The following SLC25A53 variants were observed in gnomAD, a reference collection of about 807,000 sequenced individuals.
The protein encoded by SLC25A53 is solute carrier family 25 member 53, also known as mitochondrial carrier triple repeat protein 6.
Under a neutral mutation model 15.0 loss-of-function variants are expected in SLC25A53, and 5 were observed. That is an observed-to-expected ratio of 0.33 (90% CI 0.17 to 0.70). The LOEUF (loss-of-function observed/expected upper bound fraction) is 0.70, where lower values mean the gene tolerates loss of function less well. SLC25A53 is among the 30% of genes least tolerant of loss of function. The probability of loss-of-function intolerance (pLI) is 0.67; values close to 1 mark genes in which losing one functional copy is unlikely to be tolerated. For missense variants in SLC25A53, 216 were observed against 241.6 expected, an observed-to-expected ratio of 0.89 and a Z score of 0.70; for synonymous variants, 95 against 100.0, an observed-to-expected ratio of 0.95 and a Z score of 0.30.
intron 1 of SLC25A53, among the ~76,000 whole-genome samples, chrX:104,138,617 G>A (rs2147877201): frequency 8.9e-6 from 1 of 112,778 alleles, no homozygotes; most frequent in African/African-American, 3.2e-5. Context: ...CTGTATCCTG[G>A]AGTTCTTGCC....
chrX:104,122,304 G>GTTTTTTTTTTTTTTT (rs1264243091), intron 1 of SLC25A53, among the ~76,000 whole-genome samples: 2 of 77,049 alleles, frequency 2.6e-5, no homozygotes, highest in Non-Finnish European at 5.1e-5. Context: ...TCTTTTTTTT[G>GTTTTTTTTTTTTTTT]TTTTTTTTTT....
Position 104,151,019 on chromosome X carries a change from G to T in SLC25A53, c.-32+5859C>A, listed in dbSNP as rs148840336. 7.2e-3 allele frequency among the ~76,000 whole-genome samples: 800 copies of T among 111,657 alleles called. 9 individuals are homozygous for T. The highest frequency in any genetic ancestry group is 0.025 in the African/African-American group (768 of 30,704). ...AATTCTAGCTTTCAGTCAGACTTTCGATTTGGCTCTTTTACACTGCAGTTT... is the reference window on the plus strand; with the variant it reads ...AATTCTAGCTTTCAGTCAGACTTTCTATTTGGCTCTTTTACACTGCAGTTT... On this transcript the variant is annotated intron_variant, in intron 1 of 1. Transcript: ENST00000594199.
rs180729438 is a variant in SLC25A53 at position 104,114,718 on chromosome X, C to A, written c.-31-9430G>T. On this transcript the variant is annotated intron_variant, in intron 1 of 1. Transcript: ENST00000594199. Reference sequence around the variant, plus strand: ...TCTTCTCAGGATGTATGCAAATAAGCAGGAGCGGCTTCCCAATTTCCTGGA... The same window carrying A: ...TCTTCTCAGGATGTATGCAAATAAGAAGGAGCGGCTTCCCAATTTCCTGGA... The A allele has an allele frequency of 3.7e-5, 45 of 1,210,202 alleles. No individual in the cohort carries two copies. In the African/African-American group the frequency reaches 6.1e-4, roughly 16 times the overall value.
intron 1 of SLC25A53, among the ~76,000 whole-genome samples, chrX:104,122,475 A>G (rs1400692612): frequency 1.8e-5 from 2 of 108,997 alleles, no homozygotes; most frequent in African/African-American, 6.7e-5. Flanking sequence ...CACAGCCCCA[A>G]CTACTTTCCC....
intron 1 of SLC25A53, among the ~76,000 whole-genome samples, chrX:104,129,676 T>C (rs1411242220): frequency 4.5e-5 from 5 of 110,001 alleles, no homozygotes; most frequent in East Asian, 2.8e-4. Flanking sequence ...TTTGGGGTTA[T>C]AGATAAGTCT....
chrX:104,130,735 GCA>G (rs1273955751), intron 1 of SLC25A53: 1 of 110,257 alleles, frequency 9.1e-6, no homozygotes, highest in Non-Finnish European at 1.9e-5. Flanking sequence ...TTCCCCATCA[GCA>G]TATGCACACT....
intron 1 of SLC25A53, among the ~76,000 whole-genome samples, chrX:104,154,478 T>C (rs1396340725): frequency 8.9e-6 from 1 of 112,434 alleles, no homozygotes; most frequent in Non-Finnish European, 1.9e-5. Context: ...ATCCCACTTC[T>C]GGGTATATAT....
rs2075394624 is a variant in SLC25A53, at chrX:104,121,900, T to TC, written c.-31-16613_-31-16612insG. Among the ~76,000 whole-genome samples, 186 of 26,902 alleles carry TC rather than the reference T, an allele frequency of 6.9e-3. 13 individuals are homozygous for TC. Among genetic ancestry groups the TC allele is most frequent in the East Asian group, 0.019 (11 of 593 alleles). 23.4% of individuals were successfully genotyped at this position (26,902 alleles called of 115,157 possible). A position where few individuals can be genotyped will look rare whatever the true frequency, so the allele number is the denominator to read the frequency against. On this transcript the variant is annotated intron_variant, in intron 1 of 1. Transcript: ENST00000594199. ...ATATATATATATATATATATATATATATATATATATATATATATATATATA... is the reference window on the plus strand; with the variant it reads ...ATATATATATATATATATATATATATCATATATATATATATATATATATATA...
Position 104,099,266 on chromosome X carries a change from T to A in SLC25A53, c.*5068A>T, listed in dbSNP as rs2075271846. ...TTTCAAAATAGCTAGAAGAGAAGAT[T>A]TGGAATGTTCCCAATGCAAAGAAAT... is the stretch of plus-strand genomic sequence containing the variant. On this transcript the variant is annotated 3_prime_UTR_variant, in exon 2 of 2. Transcript: ENST00000594199. 1 of 112,173 alleles carries A rather than the reference T, an allele frequency of 8.9e-6. No individual in the cohort carries two copies. Among genetic ancestry groups the A allele is most frequent in the African/African-American group, 3.2e-5 (1 of 30,822 alleles). 9.2% of individuals were successfully genotyped at this position (112,173 alleles called of 1,213,427 possible).
At chrX:104,146,547 C>T (rs2075467632) in intron 1 of SLC25A53, among the ~76,000 whole-genome samples, 1 of 111,688 alleles carries the variant, frequency 9.0e-6, no homozygotes, top group South Asian at 3.7e-4. Flanking sequence ...GATTGTATAT[C>T]TAGAAAACCC....
At chrX:104,118,579 T>C (rs1175821898) in intron 1 of SLC25A53, among the ~76,000 whole-genome samples, 1 of 113,070 alleles carries the variant, frequency 8.8e-6, no homozygotes, top group Non-Finnish European at 1.9e-5. Flanking sequence ...GACTTTCTAT[T>C]TCTAACTTGC....
intron 1 of SLC25A53, among the ~76,000 whole-genome samples, chrX:104,139,024 T>A (rs1556367032): frequency 8.9e-6 from 1 of 112,595 alleles, no homozygotes; most frequent in African/African-American, 3.2e-5. Flanking sequence ...CAAAAATGCC[T>A]GTCCTCACCC....
At chrX:104,123,743 T>C (rs1211443498) in intron 1 of SLC25A53, among the ~76,000 whole-genome samples, 1 of 110,149 alleles carries the variant, frequency 9.1e-6, no homozygotes, top group Admixed American at 9.7e-5. Flanking sequence ...CCCCGTTGTG[T>C]GATGTTCCCC....
At chrX:104,123,189 T>C (rs1219435409) in intron 1 of SLC25A53, among the ~76,000 whole-genome samples, 1 of 112,692 alleles carries the variant, frequency 8.9e-6, no homozygotes, top group Non-Finnish European at 1.9e-5. Context: ...GAGAATTTCA[T>C]TAAAGTCAGT....
At chrX:104,126,853 C>T (rs782818029) in intron 1 of SLC25A53, among the ~76,000 whole-genome samples, 2 of 111,700 alleles carry the variant, frequency 1.8e-5, no homozygotes, top group Admixed American at 1.9e-4. Flanking sequence ...AACAGTAATA[C>T]CAAATGTTCA....
chrX:104,141,247 T>C (rs1171761665), intron 1 of SLC25A53, among the ~76,000 whole-genome samples: 2 of 111,473 alleles, frequency 1.8e-5, no homozygotes, highest in Non-Finnish European at 3.8e-5. Context: ...TGCTCAGTGA[T>C]AGCCTTGAAA....
In SLC25A53 at chrX:104,124,661, G is replaced by A. The variant is rs1460144963; in HGVS notation, c.-31-19373C>T. Among the ~76,000 whole-genome samples, 3 of 109,388 alleles carry A rather than the reference G, an allele frequency of 2.7e-5. No individual in the cohort carries two copies. The Admixed American group carries it at 2.9e-4, about 11-fold the overall frequency. The allele number at this position is 109,388 out of a possible 115,157, so 95.0% of individuals were successfully genotyped here. On this transcript the variant is annotated intron_variant, in intron 1 of 1. Transcript: ENST00000594199. ...CCTAGCTGCTTGGGGAGCTGAGGCA[G>A]GAGGGTCACTTGAGCCCAGGAAGTT...
chrX:104,130,646 T>C (rs2075423434), intron 1 of SLC25A53: 1 of 110,634 alleles, frequency 9.0e-6, no homozygotes. Context: ...ATCTCATCCC[T>C]TCCCTTACCT....
At chrX:104,152,846 T>C in intron 1 of SLC25A53, among the ~76,000 whole-genome samples, 1 of 112,395 alleles carries the variant, frequency 8.9e-6, no homozygotes, top group Admixed American at 9.4e-5. Flanking sequence ...TTTTTGGTTG[T>C]CTTTTTATGT....
Sources: allele counts gnomAD v4.1 joint callset (sites outside exome capture counted in the v4.1 genomes callset), GRCh38; gene constraint gnomAD v4.1.1; transcripts MANE v1.5; gene names NCBI Gene and HGNC (gene_info 2026-07-23, HGNC 2026-07-21).